Variants in TENM3 observed in about 807,000 individuals in gnomAD.
TENM3 encodes the protein teneurin-3.
In TENM3, 63 loss-of-function variants were observed where a neutral mutation model predicts 255.1. The observed-to-expected ratio is 0.25, with a 90% confidence interval of 0.20 to 0.30. The LOEUF (loss-of-function observed/expected upper bound fraction) is 0.30. Ranked by LOEUF, TENM3 falls within the 10% of genes least tolerant of loss-of-function variation. TENM3 has a pLI of 1.00. For synonymous variants in TENM3, 1,306 were observed against 1,322.3 expected (o/e 0.99, Z 0.27); for missense variants, 2,929 against 3,461.1 (o/e 0.85, Z 3.86).
chr4:182,255,740 T>C (rs1758350049), intron 1 of TENM3, among the ~76,000 whole-genome samples: 1 of 152,094 alleles, frequency 6.6e-6, no homozygotes, highest in East Asian at 1.9e-4. Context: ...AGAGGATGGG[T>C]TCAGAGAATT....
the TENM3 span, among the ~76,000 whole-genome samples, chr4:182,029,961 AT>A: frequency 1.6e-5 from 2 of 128,300 alleles, no homozygotes; most frequent in African/African-American, 7.0e-5. Flanking sequence ...TGAAGTCTTC[AT>A]TTTTTGGCCG....
chr4:181,893,487 G>GCCCCCCCC, the TENM3 span, among the ~76,000 whole-genome samples: 1 of 74,688 alleles, frequency 1.3e-5, no homozygotes, highest in Non-Finnish European at 3.0e-5. Flanking sequence ...ACTTTCCCCT[G>GCCCCCCCC]CCCACCCCCC....
At chr4:181,628,694 T>C in the TENM3 span, among the ~76,000 whole-genome samples, 2 of 152,198 alleles carry the variant, frequency 1.3e-5, no homozygotes, top group Non-Finnish European at 2.9e-5. Flanking sequence ...TTGGTCTATA[T>C]CTCTGTTTTG....
At chr4:182,690,418 C>A (rs1756924723) in intron 12 of TENM3, among the ~76,000 whole-genome samples, 1 of 152,134 alleles carries the variant, frequency 6.6e-6, no homozygotes, top group Non-Finnish European at 1.5e-5. Flanking sequence ...CCTCTATAAC[C>A]AAACAGCTCC....
chr4:181,679,984 T>C, the TENM3 span, among the ~76,000 whole-genome samples: 1 of 152,176 alleles, frequency 6.6e-6, no homozygotes, highest in Non-Finnish European at 1.5e-5. Flanking sequence ...ATTGCTCGTG[T>C]ATGTCATGAT....
chr4:181,992,174 A>ATTTT, the TENM3 span, among the ~76,000 whole-genome samples: 3 of 152,166 alleles, frequency 2.0e-5, no homozygotes, highest in South Asian at 6.2e-4. Context: ...CGGAAATAAC[A>ATTTT]GGCTAGAATT....
At chr4:181,470,108 T>TAA in the TENM3 span, among the ~76,000 whole-genome samples, 4,014 of 112,696 alleles carry the variant, frequency 0.036, 291 homozygotes, top group East Asian at 0.25. Context: ...ATAGCTTCTG[T>TAA]AAAAAAAAAA....
rs914027900 is a variant in TENM3, at chr4:182,311,590, C to T, written c.-75-12356C>T. Among the ~76,000 whole-genome samples, 5 of 152,110 alleles carry T rather than the reference C, an allele frequency of 3.3e-5. 1 individual carries two copies. The highest frequency in any genetic ancestry group is 3.3e-4 in the Admixed American group (5 of 15,270). On this transcript the variant is annotated intron_variant, in intron 1 of 27. Coordinates refer to ENST00000511685, the MANE Select transcript of TENM3 (RefSeq NM_001080477.4). ...GGATGGGCCAGTGAATCTCTCTGGG[C>T]CTCAGTTCTGTCATGCGAAAATGGA...
At chr4:182,065,428 C>A in the TENM3 span, among the ~76,000 whole-genome samples, 1 of 152,232 alleles carries the variant, frequency 6.6e-6, no homozygotes, top group African/African-American at 2.4e-5. Context: ...GGGAAACTCA[C>A]AGTCACGGCA....
chr4:182,227,973 T>A (rs143866876), intron 1 of TENM3, among the ~76,000 whole-genome samples: 4,170 of 152,260 alleles, frequency 0.027, 79 homozygotes, highest in Non-Finnish European at 0.041. Flanking sequence ...CAATAAAATG[T>A]AAGTGAACTT....
chr4:181,884,206 G>A, the TENM3 span, among the ~76,000 whole-genome samples: 2 of 152,116 alleles, frequency 1.3e-5, no homozygotes, highest in Non-Finnish European at 2.9e-5. Context: ...AAGGTCTCCT[G>A]TCTTGAATAT....
chr4:182,355,967 A>G (rs1045554929), intron 3 of TENM3, among the ~76,000 whole-genome samples: 3 of 151,118 alleles, frequency 2.0e-5, no homozygotes, highest in Non-Finnish European at 2.9e-5. Context: ...TTACTCTGTG[A>G]TCTATATTAT....
At chr4:182,563,962 C>T (rs984835856) in intron 3 of TENM3, among the ~76,000 whole-genome samples, 3 of 152,160 alleles carry the variant, frequency 2.0e-5, no homozygotes, top group African/African-American at 7.2e-5. Flanking sequence ...CAACTACCAC[C>T]AGATCCTTCG....
At chr4:181,654,583 G>A in the TENM3 span, among the ~76,000 whole-genome samples, 16 of 151,918 alleles carry the variant, frequency 1.1e-4, no homozygotes, top group African/African-American at 2.9e-4. Context: ...GTGAAACCCC[G>A]TCTCTACCAA....
Position 182,801,397 on chromosome 4 carries a change from A to G in TENM3, c.*1046A>G, listed in dbSNP as rs1766959749. The G allele has an allele frequency of 6.6e-6, 1 of 152,194 alleles. No individual in the cohort carries two copies. The highest frequency in any genetic ancestry group is 6.5e-5 in the Admixed American group (1 of 15,278). The allele number at this position is 152,194 out of a possible 1,614,324, so 9.4% of individuals were successfully genotyped here. ...TCCTCAGCATTGTCAACTGAGAGGC[A>G]CAGTAGACAACTAGGGCTGGTGGAA... On this transcript the variant is annotated 3_prime_UTR_variant, in exon 28 of 28. Coordinates refer to ENST00000511685, the MANE Select transcript of TENM3 (RefSeq NM_001080477.4).
rs200760976 is a variant in TENM3 at position 182,523,184 on chromosome 4, TTTG to T, written c.512-77713_512-77711del. ...TTGTTTTTGTGTGTGTGTGTGTGGT[TTTG>T]TTGTTGTTGTTGTTGTTGTTGTTGT... On this transcript the variant is annotated intron_variant, in intron 3 of 27. Coordinates refer to ENST00000511685, the MANE Select transcript of TENM3 (RefSeq NM_001080477.4). Among the ~76,000 whole-genome samples the T allele has an allele frequency of 2.5e-3, 371 of 151,320 alleles. 2 individuals carry two copies. The highest frequency in any genetic ancestry group is 5.7e-3 in the African/African-American group (237 of 41,252).
At chr4:181,888,496 A>ATATATATGTG in the TENM3 span, among the ~76,000 whole-genome samples, 5 of 24,712 alleles carry the variant, frequency 2.0e-4, no homozygotes, top group Admixed American at 5.9e-4. Flanking sequence ...AGAAATGTGT[A>ATATATATGTG]TATATATATA....
intron 26 of TENM3, among the ~76,000 whole-genome samples, chr4:182,794,866 A>C (rs371082821): frequency 3.4e-4 from 51 of 151,868 alleles, no homozygotes; most frequent in African/African-American, 1.1e-3. Context: ...TGCTGCTCCT[A>C]CCTTCCATTC....
At chr4:181,922,888 C>T in the TENM3 span, among the ~76,000 whole-genome samples, 1 of 151,986 alleles carries the variant, frequency 6.6e-6, no homozygotes, top group South Asian at 2.1e-4. Context: ...ATAAATTTCC[C>T]TCTACACACT....
Sources: gnomAD v4.1 joint callset for allele counts (sites outside exome capture counted in the v4.1 genomes callset) on GRCh38, gnomAD v4.1.1 for gene constraint, MANE v1.5 for transcripts, NCBI Gene and HGNC (gene_info 2026-07-23, HGNC 2026-07-21) for gene names.